AKT3: variants seen among roughly 807,000 people sequenced by gnomAD.
AKT3 encodes the protein RAC-gamma serine/threonine-protein kinase.
A neutral mutation model predicts 65.3 loss-of-function variants in AKT3; 15 were observed. The observed-to-expected ratio is 0.23, with a 90% CI of 0.15 to 0.35. The LOEUF (loss-of-function observed/expected upper bound fraction) is 0.35, where lower values mean the gene tolerates loss of function less well. Among genes scored for constraint, AKT3 ranks in the 10% least tolerant of loss-of-function variants. The pLI is 1.00. For synonymous variants in AKT3, 206 were observed against 183.8 expected (o/e 1.12, Z -0.98); for missense variants, 243 against 576.5 (o/e 0.42, Z 5.92).
At chr1:243,681,564 G>A (rs1376699611) in intron 3 of AKT3, among the ~76,000 whole-genome samples, 5 of 152,028 alleles carry the variant, frequency 3.3e-5, no homozygotes, top group Admixed American at 2.0e-4. Flanking sequence ...AAGAAGTCTC[G>A]CTATTATATA....
At chr1:243,648,496 A>G (rs1681021440) in intron 4 of AKT3, among the ~76,000 whole-genome samples, 1 of 152,134 alleles carries the variant, frequency 6.6e-6, no homozygotes, top group African/African-American at 2.4e-5. Context: ...TTGTTAAGAA[A>G]TTCTGCATAT....
chr1:243,661,866 A>C (rs1682370897), intron 4 of AKT3, among the ~76,000 whole-genome samples: 1 of 149,910 alleles, frequency 6.7e-6, no homozygotes, highest in Admixed American at 6.6e-5. Context: ...CAAGAAAAAA[A>C]CAAACAACCC....
intron 1 of AKT3, 91 bp downstream of exon 1, chr1:243,849,948 AG>A: frequency 1.1e-6 from 1 of 900,274 alleles, no homozygotes; most frequent in Non-Finnish European, 1.3e-6. Flanking sequence ...CCCCCGCCTG[AG>A]GGAGGCAGGG....
chr1:243,810,968 C>T (rs1428808498), intron 2 of AKT3, among the ~76,000 whole-genome samples: 1 of 152,122 alleles, frequency 6.6e-6, no homozygotes, highest in African/African-American at 2.4e-5. Context: ...TGATAAAATT[C>T]AACAGCCCTT....
At chr1:243,524,584 T>A (rs1399991022) in intron 12 of AKT3, among the ~76,000 whole-genome samples, 2 of 152,190 alleles carry the variant, frequency 1.3e-5, no homozygotes, top group Admixed American at 1.3e-4. Context: ...TTCACACTGT[T>A]TAAATAAGCT....
At chr1:243,838,269 A>T (rs1197073807) in intron 2 of AKT3, among the ~76,000 whole-genome samples, 1 of 152,146 alleles carries the variant, frequency 6.6e-6, no homozygotes, top group East Asian at 1.9e-4. Context: ...ACCATTAGAA[A>T]ATAAATTTAA....
chr1:243,602,044 G>T (rs548195930), intron 8 of AKT3, among the ~76,000 whole-genome samples: 2 of 152,236 alleles, frequency 1.3e-5, no homozygotes, highest in Admixed American at 1.3e-4. Flanking sequence ...ATACCCAGAT[G>T]CCTGGCAGGC....
chr1:243,594,358 GACT>G (rs1438682154), intron 8 of AKT3, among the ~76,000 whole-genome samples: 5 of 152,138 alleles, frequency 3.3e-5, no homozygotes, highest in African/African-American at 1.2e-4. Context: ...AGTTACAGCA[GACT>G]TTTTTGTAAA....
intron 2 of AKT3, among the ~76,000 whole-genome samples, chr1:243,815,599 T>C (rs904186562): frequency 2.0e-5 from 3 of 150,850 alleles, no homozygotes; most frequent in African/African-American, 7.3e-5. Context: ...ACCACTCTGA[T>C]ACCAAAATCT....
At chr1:243,824,217 T>C (rs1439762891) in intron 2 of AKT3, among the ~76,000 whole-genome samples, 1 of 152,162 alleles carries the variant, frequency 6.6e-6, no homozygotes, top group Non-Finnish European at 1.5e-5. Flanking sequence ...TGCAGAAAAT[T>C]GAAACTGGGC....
chr1:243,713,746 TAAAAAAAAAAA>T (rs572960154), intron 2 of AKT3, among the ~76,000 whole-genome samples: 5,431 of 83,194 alleles, frequency 0.065, 157 homozygotes, highest in Middle Eastern at 0.19. Flanking sequence ...TTTGCCTTAA[TAAAAAAAAAAA>T]AAAAAAAAAA....
chr1:243,493,261 G>T (rs931558841), intron 13 of AKT3, among the ~76,000 whole-genome samples: 1 of 151,932 alleles, frequency 6.6e-6, no homozygotes, highest in Non-Finnish European at 1.5e-5. Flanking sequence ...GAGGGTGGTG[G>T]GTCTCAGGGG....
rs147185137 is a variant in AKT3, at chr1:243,708,403, A to G, written c.47-12687T>C. Among the ~76,000 whole-genome samples, 736 of 152,154 alleles carry G rather than the reference A, an allele frequency of 4.8e-3. 5 individuals are homozygous for G. Among genetic ancestry groups the G allele is most frequent in the African/African-American group, 0.017 (692 of 41,584 alleles). On this transcript the variant is annotated intron_variant, in intron 2 of 13. Coordinates refer to ENST00000673466, the MANE Select transcript of AKT3 (RefSeq NM_005465.7). ...TTACTTACCTTGGCCCTCTGAGGGC[A>G]GTATTACCTAACACATAGAAATTTC...
chr1:243,694,143 T>G (rs963259803), intron 3 of AKT3, among the ~76,000 whole-genome samples: 1 of 152,170 alleles, frequency 6.6e-6, no homozygotes, highest in Non-Finnish European at 1.5e-5. Context: ...ACAAGAATTC[T>G]GTACTTTTAT....
At chr1:243,672,345 A>T (rs1401392157) in intron 3 of AKT3, among the ~76,000 whole-genome samples, 2 of 152,226 alleles carry the variant, frequency 1.3e-5, no homozygotes, top group Non-Finnish European at 2.9e-5. Context: ...GATTAAAAAA[A>T]GTTCAATTAC....
intron 12 of AKT3, among the ~76,000 whole-genome samples, chr1:243,532,146 C>T (rs1174901973): frequency 5.3e-5 from 8 of 152,270 alleles, no homozygotes; most frequent in East Asian, 3.9e-4. Context: ...TCCAGTGTCA[C>T]GTTAACAGAA....
intron 8 of AKT3, among the ~76,000 whole-genome samples, chr1:243,611,281 GT>G (rs1370119819): frequency 6.6e-6 from 1 of 152,162 alleles, no homozygotes; most frequent in Non-Finnish European, 1.5e-5. Flanking sequence ...AGGTTAACAT[GT>G]TCTTCATAAT....
intron 2 of AKT3, among the ~76,000 whole-genome samples, chr1:243,707,059 A>G (rs1685847583): frequency 6.6e-6 from 1 of 152,174 alleles, no homozygotes; most frequent in Admixed American, 6.5e-5. Context: ...GGAGAAATAA[A>G]TTAAAGTTTG....
intron 2 of AKT3, among the ~76,000 whole-genome samples, chr1:243,737,691 A>C (rs1349909041): frequency 2.0e-5 from 3 of 152,218 alleles, no homozygotes; most frequent in Admixed American, 1.3e-4. Flanking sequence ...TCTTGAGCCA[A>C]AAATTCTACA....
Sources: gnomAD v4.1 joint callset for allele counts (sites outside exome capture counted in the v4.1 genomes callset) on GRCh38, gnomAD v4.1.1 for gene constraint, MANE v1.5 for transcripts, NCBI Gene and HGNC (gene_info 2026-07-23, HGNC 2026-07-21) for gene names.